Variants in DOCK7 observed in about 807,000 individuals in gnomAD.
DOCK7 encodes dedicator of cytokinesis protein 7.
DOCK7 carries 138 observed loss-of-function variants against 271.0 expected under a neutral mutation model. That is an observed-to-expected ratio of 0.51 (90% confidence interval 0.44 to 0.59). The LOEUF (loss-of-function observed/expected upper bound fraction) is 0.59. Ranked by LOEUF, DOCK7 falls within the 20% of genes least tolerant of loss-of-function variation. DOCK7 has a pLI of 0.00. For synonymous variants in DOCK7, 823 were observed against 876.1 expected (o/e 0.94, Z 1.07); for missense variants, 2,066 against 2,592.4 (o/e 0.80, Z 4.41).
chr1:62,485,901 C>G (rs1646277564), intron 43 of DOCK7: 2 of 157,666 alleles, frequency 1.3e-5, no homozygotes, highest in Admixed American at 1.3e-4. Flanking sequence ...AAGTATATAA[C>G]AAGAAAATAA....
At chr1:62,514,382 C>G (rs1396902252) in intron 31 of DOCK7, among the ~76,000 whole-genome samples, 4 of 151,912 alleles carry the variant, frequency 2.6e-5, no homozygotes, top group Non-Finnish European at 5.9e-5. Flanking sequence ...AAGGAAAAGT[C>G]TTAGGCTATA....
intron 48 of DOCK7, among the ~76,000 whole-genome samples, chr1:62,460,468 T>C (rs1645487530): frequency 6.6e-6 from 1 of 152,300 alleles, no homozygotes; most frequent in Middle Eastern, 3.4e-3. Context: ...ATTTAAAGTA[T>C]ACAGGAGGAT....
At chr1:62,470,412 C>T (rs531625064) in intron 48 of DOCK7, among the ~76,000 whole-genome samples, 13 of 151,964 alleles carry the variant, frequency 8.6e-5, no homozygotes, top group Admixed American at 1.3e-4. Flanking sequence ...TTTGAGGACT[C>T]GGTGAGAAAG....
intron 29 of DOCK7, 55 bp from the exon 30 acceptor site, chr1:62,529,501 C>A: frequency 7.2e-7 from 1 of 1,383,922 alleles, no homozygotes; most frequent in Non-Finnish European, 9.7e-7. Flanking sequence ...CAGAGATTAG[C>A]TAACATCTTT....
chr1:62,544,552 T>C (rs1488335512), intron 23 of DOCK7, among the ~76,000 whole-genome samples: 1 of 152,154 alleles, frequency 6.6e-6, no homozygotes, highest in Admixed American at 6.6e-5. Context: ...TAAATGAAAA[T>C]GATACAATAG....
chr1:62,587,733 G>A (rs1195767280), intron 14 of DOCK7, among the ~76,000 whole-genome samples: 1 of 152,108 alleles, frequency 6.6e-6, no homozygotes, highest in Non-Finnish European at 1.5e-5. Flanking sequence ...TGTTGAATGG[G>A]ATATACAGTG....
rs1465418332 is a variant in DOCK7 at position 62,543,719 on chromosome 1, C to T, written c.2886G>A (p.Met962Ile). Residue 962 changes from methionine (M) to isoleucine (I), a missense_variant, in exon 24 of 50, where the codon ATG (methionine) becomes ATA (isoleucine). By Grantham distance (10) the Met-to-Ile change is conservative (BLOSUM62 1). Transcript: ENST00000635253. ...AACTTGACGTCTCTGTGTGCGAAGA[C>T]ATACGATTACAACTTCGATCCATAG... ...TQAMDRSCNRMSSHTETSSFL... is the reference protein window; with the variant it reads ...TQAMDRSCNRISSHTETSSFL... 2.5e-6 allele frequency: 4 copies of T among 1,598,332 alleles called. No individual in the cohort carries two copies. The highest frequency in any genetic ancestry group is 3.4e-6 in the Non-Finnish European group (4 of 1,168,714).
chr1:62,546,601 A>G (rs1645716289), intron 22 of DOCK7, among the ~76,000 whole-genome samples: 1 of 152,124 alleles, frequency 6.6e-6, no homozygotes, highest in African/African-American at 2.4e-5. Flanking sequence ...ATGGAAGTAA[A>G]TTACTAAGTT....
intron 18 of DOCK7, among the ~76,000 whole-genome samples, chr1:62,575,281 T>TC (rs1646911673): frequency 6.6e-6 from 1 of 152,122 alleles, no homozygotes; most frequent in Admixed American, 6.6e-5. Context: ...TGTGCCTGCT[T>TC]CCCCTTCCAC....
rs529100594 is a variant in DOCK7, at chr1:62,602,309, A to T, written c.1683-15685T>A. 3.1e-6 allele frequency: 5 copies of T among 1,610,622 alleles called. No individual in the cohort carries two copies. The highest frequency in any genetic ancestry group is 4.2e-6 in the Non-Finnish European group (5 of 1,177,510). ...GGTAGTCCATGGACATTAATTCAAC[A>T]TCGAATAGATGGATCACAAAACTTC... On this transcript the variant is annotated intron_variant, in intron 14 of 49. Transcript: ENST00000635253.
chr1:62,500,640 G>A (rs1029984182), intron 37 of DOCK7, among the ~76,000 whole-genome samples: 2 of 152,096 alleles, frequency 1.3e-5, no homozygotes, highest in African/African-American at 2.4e-5. Context: ...AAAATCTCAT[G>A]AGCAGCTGGG....
rs1355629140 is a variant in DOCK7, at chr1:62,475,178, A to T, written c.6105+30T>A. On this transcript the variant is annotated intron_variant, in intron 47 of 49. Transcript: ENST00000635253. Reference sequence around the variant, plus strand: ...TATCCCAAATCGTATTTACAGCTTAAATCACACAGTGCTAGCAAAAAGCAC... The same window carrying T: ...TATCCCAAATCGTATTTACAGCTTATATCACACAGTGCTAGCAAAAAGCAC... The T allele has an allele frequency of 3.8e-6, 6 of 1,590,448 alleles. No homozygotes were observed. In the Admixed American group the frequency reaches 1.1e-4, roughly 29 times the overall value.
intron 4 of DOCK7, among the ~76,000 whole-genome samples, chr1:62,651,666 T>C (rs183552990): frequency 2.0e-5 from 3 of 152,160 alleles, no homozygotes. Flanking sequence ...CGAATTGATT[T>C]TTATATGGTT....
In DOCK7 at chr1:62,542,731, A is replaced by G. The variant is rs1476009744; in HGVS notation, c.2950-28T>C. The stretch of plus-strand genomic sequence containing the variant: ...ATCCAGAAGTAAATCCAAAGTTATT[A>G]TCAAAGTCAAATCTGCTGATAACAT... On this transcript the variant is annotated intron_variant, in intron 24 of 49. Coordinates refer to ENST00000635253, the MANE Select transcript of DOCK7 (RefSeq NM_001367561.1). 2.5e-6 allele frequency: 4 copies of G among 1,596,908 alleles called. No individual in the cohort carries two copies. The South Asian group carries it at 4.5e-5, about 18-fold the overall frequency.
chr1:62,569,612 A>T (rs1646699150), intron 18 of DOCK7, among the ~76,000 whole-genome samples: 1 of 152,150 alleles, frequency 6.6e-6, no homozygotes, highest in African/African-American at 2.4e-5. Flanking sequence ...CATTTATGAA[A>T]AACCCACAGC....
At chr1:62,491,063 G>A (rs72913240) in intron 41 of DOCK7, among the ~76,000 whole-genome samples, 186 of 152,302 alleles carry the variant, frequency 1.2e-3, no homozygotes, top group African/African-American at 4.4e-3. Flanking sequence ...ACATTCCTAT[G>A]AGGTAGGTAC....
At chr1:62,512,002 CAAG>C (rs1644500622) in intron 33 of DOCK7, among the ~76,000 whole-genome samples, 1 of 151,998 alleles carries the variant, frequency 6.6e-6, no homozygotes, top group South Asian at 2.1e-4. Flanking sequence ...AATTATAAGA[CAAG>C]AAGACTTCAA....
Position 62,597,529 on chromosome 1 carries a change from C to G in DOCK7, c.1683-10905G>C, listed in dbSNP as rs541408414. 2.5e-6 allele frequency: 4 copies of G among 1,608,442 alleles called. No individual in the cohort carries two copies. The South Asian group carries it at 4.4e-5, about 18-fold the overall frequency. ...GTCTAGGTCTGCTTCCAGAAGAAAACAGTTCCACGTTGCTTGAAATTGAAA... is the reference window on the plus strand; with the variant it reads ...GTCTAGGTCTGCTTCCAGAAGAAAAGAGTTCCACGTTGCTTGAAATTGAAA... On this transcript the variant is annotated intron_variant, in intron 14 of 49. Transcript: ENST00000635253.
intron 19 of DOCK7, among the ~76,000 whole-genome samples, chr1:62,560,432 T>C (rs1173394128): frequency 6.6e-6 from 1 of 152,154 alleles, no homozygotes; most frequent in Non-Finnish European, 1.5e-5. Flanking sequence ...CCATCTGAAG[T>C]ACGTAGGCAC....
Sources: allele counts gnomAD v4.1 joint callset (sites outside exome capture counted in the v4.1 genomes callset), GRCh38; gene constraint gnomAD v4.1.1; transcripts MANE v1.5; gene names NCBI Gene and HGNC (gene_info 2026-07-23, HGNC 2026-07-21).